SLC24A2: variants seen among roughly 807,000 people sequenced by gnomAD.
SLC24A2 encodes sodium/potassium/calcium exchanger 2.
In SLC24A2, 36 loss-of-function variants were observed where a neutral mutation model predicts 62.0. The ratio of observed to expected loss-of-function variants is 0.58; its 90% CI spans 0.44 to 0.77. The LOEUF is 0.77. Ranked by LOEUF, SLC24A2 falls within the 30% of genes least tolerant of loss-of-function variation. The probability of loss-of-function intolerance (pLI) is 0.00; values close to 1 mark genes in which losing one functional copy is unlikely to be tolerated. For missense variants in SLC24A2, 846 were observed against 817.9 expected, an observed-to-expected ratio of 1.03 and a Z score of -0.42; for synonymous variants, 358 against 294.0, an observed-to-expected ratio of 1.22 and a Z score of -2.23.
the SLC24A2 span, among the ~76,000 whole-genome samples, chr9:20,035,229 G>T: frequency 6.6e-6 from 1 of 152,146 alleles, no homozygotes; most frequent in South Asian, 2.1e-4. Flanking sequence ...CACCCGGAAT[G>T]AAGTAAGTTC....
chr9:20,102,497 TG>T, the SLC24A2 span, among the ~76,000 whole-genome samples: 22 of 60,672 alleles, frequency 3.6e-4, no homozygotes, highest in African/African-American at 8.2e-4. Context: ...TGTGAGGGGG[TG>T]GGGGGGGAAG....
At chr9:19,516,597 CT>C (rs1161860740) in intron 10 of SLC24A2, among the ~76,000 whole-genome samples, 195 bp from the exon 11 acceptor site, 3 of 152,168 alleles carry the variant, frequency 2.0e-5, no homozygotes, top group Non-Finnish European at 4.4e-5. Flanking sequence ...CTTTAAAAAC[CT>C]TTATGTCCTG....
the SLC24A2 span, among the ~76,000 whole-genome samples, chr9:20,280,052 G>C: frequency 6.6e-6 from 1 of 152,242 alleles, no homozygotes; most frequent in Non-Finnish European, 1.5e-5. Context: ...GGAAAAATAG[G>C]CTATTGCCTA....
intron 4 of SLC24A2, among the ~76,000 whole-genome samples, chr9:19,612,285 C>G (rs1472297768): frequency 6.6e-6 from 1 of 152,162 alleles, no homozygotes; most frequent in South Asian, 2.1e-4. Flanking sequence ...TATTCTCTGC[C>G]AGGCCTTGTT....
chr9:19,591,892 A>G (rs1836563664), intron 5 of SLC24A2, among the ~76,000 whole-genome samples: 1 of 152,234 alleles, frequency 6.6e-6, no homozygotes, highest in African/African-American at 2.4e-5. Flanking sequence ...AGTGTGTATG[A>G]CACAATCTCA....
the SLC24A2 span, among the ~76,000 whole-genome samples, chr9:20,194,125 C>G: frequency 6.6e-6 from 1 of 151,904 alleles, no homozygotes; most frequent in African/African-American, 2.4e-5. Flanking sequence ...TCCATCTTTC[C>G]ACTAAGTAGA....
chr9:20,166,802 G>T, the SLC24A2 span, among the ~76,000 whole-genome samples: 3 of 151,848 alleles, frequency 2.0e-5, no homozygotes, highest in Non-Finnish European at 2.9e-5. Flanking sequence ...AATCAGTAAG[G>T]ATGGCAGTAG....
At chr9:19,530,078 CT>C (rs11365952) in intron 8 of SLC24A2, among the ~76,000 whole-genome samples, 100,477 of 124,894 alleles carry the variant, frequency 0.8, 40,320 homozygotes, top group South Asian at 0.92. Flanking sequence ...ATAAAAGCAG[CT>C]TTTTTTTTTT....
At chr9:19,699,599 T>C (rs920867704) in intron 2 of SLC24A2, among the ~76,000 whole-genome samples, 7 of 152,172 alleles carry the variant, frequency 4.6e-5, no homozygotes, top group Non-Finnish European at 1.0e-4. Context: ...TATTAAACTA[T>C]ATATGACATG....
At chr9:19,708,561 T>C (rs78024051) in intron 2 of SLC24A2, among the ~76,000 whole-genome samples, 17,178 of 152,104 alleles carry the variant, frequency 0.11, 1,515 homozygotes, top group African/African-American at 0.25. Context: ...AACAGAGATA[T>C]AGACCAATGG....
intron 2 of SLC24A2, among the ~76,000 whole-genome samples, chr9:19,660,718 C>G (rs1819071381): frequency 6.6e-6 from 1 of 152,166 alleles, no homozygotes; most frequent in Non-Finnish European, 1.5e-5. Context: ...TTCGGAGACT[C>G]CATTTTTCCT....
At chr9:19,792,591 C>T (rs1823332017), upstream of SLC24A2, among the ~76,000 whole-genome samples, 1 of 150,612 alleles carries the variant, frequency 6.6e-6, no homozygotes, top group Admixed American at 6.6e-5. Flanking sequence ...GCCTGTAATC[C>T]CAGCTACTTG....
At chr9:19,760,477 C>A (rs991943035) in intron 2 of SLC24A2, among the ~76,000 whole-genome samples, 7 of 152,028 alleles carry the variant, frequency 4.6e-5, no homozygotes, top group African/African-American at 1.7e-4. Context: ...ATCAACCTGT[C>A]ATCTACATTA....
At chr9:19,948,677 CT>C in the SLC24A2 span, among the ~76,000 whole-genome samples, 1 of 151,560 alleles carries the variant, frequency 6.6e-6, no homozygotes, top group African/African-American at 2.4e-5. Context: ...AACCCCGTCT[CT>C]ACTAAAAATA....
chr9:19,926,821 C>G, the SLC24A2 span: 2 of 152,290 alleles, frequency 1.3e-5, no homozygotes, highest in Non-Finnish European at 2.9e-5. Context: ...CTGGAGAGCA[C>G]ATGAGTTTGA....
At chr9:20,199,709 T>C in the SLC24A2 span, among the ~76,000 whole-genome samples, 5 of 151,802 alleles carry the variant, frequency 3.3e-5, no homozygotes, top group African/African-American at 1.2e-4. Context: ...CTGGGTTTCT[T>C]TCTTTTTTCT....
At chr9:19,924,484 T>A in the SLC24A2 span, among the ~76,000 whole-genome samples, 8 of 152,114 alleles carry the variant, frequency 5.3e-5, no homozygotes, top group Non-Finnish European at 1.0e-4. Context: ...TTGGTCAGGT[T>A]TCCATCACTG....
At chr9:19,897,257 G>A in the SLC24A2 span, among the ~76,000 whole-genome samples, 3 of 152,098 alleles carry the variant, frequency 2.0e-5, no homozygotes, top group Admixed American at 2.0e-4. Flanking sequence ...TTTGTAAACA[G>A]TGACCCCATA....
chr9:20,164,414 C>T, the SLC24A2 span, among the ~76,000 whole-genome samples: 1 of 152,118 alleles, frequency 6.6e-6, no homozygotes, highest in African/African-American at 2.4e-5. Flanking sequence ...CAGAGAAATG[C>T]AAATCAAAAC....
Sources: gnomAD v4.1 joint callset for allele counts (sites outside exome capture counted in the v4.1 genomes callset) on GRCh38, gnomAD v4.1.1 for gene constraint, MANE v1.5 for transcripts, NCBI Gene and HGNC (gene_info 2026-07-23, HGNC 2026-07-21) for gene names.